CLYBL: variants seen among roughly 807,000 people sequenced by gnomAD.
CLYBL encodes the protein citramalyl-CoA lyase.
In CLYBL, 31 loss-of-function variants were observed where a neutral mutation model predicts 38.9. The observed-to-expected ratio is 0.80, with a 90% confidence interval of 0.60 to 1.08. The LOEUF (loss-of-function observed/expected upper bound fraction) is 1.08. CLYBL is among the 50% of genes least tolerant of loss of function. The pLI is 0.00. For synonymous variants in CLYBL, 171 were observed against 158.6 expected (o/e 1.08, Z -0.59); for missense variants, 434 against 411.6 (o/e 1.05, Z -0.47).
At chr13:99,702,843 A>C (rs1287296805) in intron 1 of CLYBL, among the ~76,000 whole-genome samples, 1 of 152,166 alleles carries the variant, frequency 6.6e-6, no homozygotes, top group Non-Finnish European at 1.5e-5. Context: ...TTCTGGATTT[A>C]TATCTAAGCA....
intron 2 of CLYBL, among the ~76,000 whole-genome samples, chr13:99,831,104 G>A (rs1045402016): frequency 1.3e-5 from 2 of 152,156 alleles, no homozygotes; most frequent in African/African-American, 2.4e-5. Flanking sequence ...GTTGGGTGGC[G>A]GCAGCTGCAG....
intron 1 of CLYBL, among the ~76,000 whole-genome samples, chr13:99,688,126 A>C (rs1327922570): frequency 2.6e-5 from 4 of 152,248 alleles, no homozygotes; most frequent in South Asian, 4.1e-4. Context: ...TTAAAGTAAA[A>C]TTTTTCCCAG....
chr13:99,872,912 G>C (rs1005315667), intron 7 of CLYBL, among the ~76,000 whole-genome samples: 11 of 151,586 alleles, frequency 7.3e-5, no homozygotes, highest in African/African-American at 2.7e-4. Flanking sequence ...CACACCTTTT[G>C]ATGATGGCAA....
At chr13:99,820,745 T>G (rs1337805658) in intron 2 of CLYBL, among the ~76,000 whole-genome samples, 1 of 152,162 alleles carries the variant, frequency 6.6e-6, no homozygotes, top group Non-Finnish European at 1.5e-5. Flanking sequence ...ACATTTAGGT[T>G]TCGTGTGAAC....
Position 99,744,256 on chromosome 13 carries a change from G to A in CLYBL, c.63-28568G>A, listed in dbSNP as rs533848473. Among the ~76,000 whole-genome samples the A allele has an allele frequency of 1.6e-4, 24 of 152,228 alleles. No individual in the cohort carries two copies. In the South Asian group the frequency reaches 3.7e-3, roughly 24 times the overall value. Reference sequence around the variant, plus strand: ...CAAAGTGCTGGGATTACAGGCGTGAGCCACCGCGCCCAGCTACACTCCACT... The same window carrying A: ...CAAAGTGCTGGGATTACAGGCGTGAACCACCGCGCCCAGCTACACTCCACT... On this transcript the variant is annotated intron_variant, in intron 1 of 8. Coordinates refer to ENST00000339105, the MANE Select transcript of CLYBL (RefSeq NM_206808.5).
downstream of CLYBL, chr13:99,895,037 C>T (rs2052557240): frequency 1.3e-5 from 2 of 152,146 alleles, no homozygotes; most frequent in Middle Eastern, 3.2e-3. Context: ...TTCACCGCCT[C>T]CGATTTGAAT....
At chr13:99,664,662 G>C (rs1487076386) in intron 1 of CLYBL, among the ~76,000 whole-genome samples, 1 of 152,182 alleles carries the variant, frequency 6.6e-6, no homozygotes, top group Non-Finnish European at 1.5e-5. Flanking sequence ...AACGTGCGAC[G>C]TAGTGCCAGC....
intron 1 of CLYBL, among the ~76,000 whole-genome samples, chr13:99,755,177 G>A (rs563412259): frequency 3.3e-5 from 5 of 152,202 alleles, no homozygotes; most frequent in South Asian, 4.2e-4. Context: ...GATTACAGGC[G>A]TGAGCCACCG....
intron 1 of CLYBL, among the ~76,000 whole-genome samples, chr13:99,664,107 A>G (rs973699224): frequency 2.6e-5 from 4 of 152,166 alleles, no homozygotes; most frequent in Non-Finnish European, 5.9e-5. Flanking sequence ...ATGGATTATA[A>G]CTCTTGACCG....
chr13:99,659,214 GTGTA>G lies in CLYBL; in HGVS notation c.62+52459_62+52462del, dbSNP rs752363503. On this transcript the variant is annotated intron_variant, in intron 1 of 8. Coordinates refer to ENST00000339105, the MANE Select transcript of CLYBL (RefSeq NM_206808.5). ...CATCCTCTAAGCTATGTGTGTGTGT[GTGTA>G]TATATATATATGTATATATATGCGT... Among the ~76,000 whole-genome samples the G allele has an allele frequency of 4.3e-3, 645 of 151,566 alleles. 4 individuals are homozygous for G. The highest frequency in any genetic ancestry group is 0.014 in the African/African-American group (581 of 41,008).
At chr13:99,838,736 C>T (rs1408061640) in intron 2 of CLYBL, among the ~76,000 whole-genome samples, 2 of 152,138 alleles carry the variant, frequency 1.3e-5, no homozygotes, top group Non-Finnish European at 2.9e-5. Flanking sequence ...CCCAGGTTCA[C>T]GCCATTCTCC....
chr13:99,736,038 C>CTTTTTTTTTTTTTTTTT (rs767129851), intron 1 of CLYBL, among the ~76,000 whole-genome samples: 2 of 76,198 alleles, frequency 2.6e-5, no homozygotes, highest in African/African-American at 5.2e-5. Context: ...CGTTTCTTTT[C>CTTTTTTTTTTTTTTTTT]TTTTTTTTTT....
chr13:99,855,411 C>G (rs1169155040), intron 2 of CLYBL, among the ~76,000 whole-genome samples: 1 of 152,148 alleles, frequency 6.6e-6, no homozygotes, highest in Non-Finnish European at 1.5e-5. Flanking sequence ...CTTCTGAGAG[C>G]TGGGGTCAGC....
chr13:99,608,432 G>A (rs1242522223), intron 1 of CLYBL, among the ~76,000 whole-genome samples: 1 of 152,118 alleles, frequency 6.6e-6, no homozygotes, highest in Non-Finnish European at 1.5e-5. Flanking sequence ...ATGTCCTATG[G>A]GAGGACCCAC....
At chr13:99,650,242 G>C (rs1372913665) in intron 1 of CLYBL, among the ~76,000 whole-genome samples, 1 of 151,268 alleles carries the variant, frequency 6.6e-6, no homozygotes, top group African/African-American at 2.4e-5. Context: ...CAGCCTGGGC[G>C]ACAGAGCCAG....
chr13:99,895,227 C>G (rs778264004), downstream of CLYBL: 1 of 151,860 alleles, frequency 6.6e-6, no homozygotes, highest in East Asian at 1.9e-4. Flanking sequence ...GATGATGCCA[C>G]GAGGAGAAAA....
chr13:99,681,649 C>T (rs952550771), intron 1 of CLYBL, among the ~76,000 whole-genome samples: 1 of 151,460 alleles, frequency 6.6e-6, no homozygotes, highest in Non-Finnish European at 1.5e-5. Flanking sequence ...TTCAGTGGCA[C>T]GGTCTCGGCT....
At chr13:99,864,972 T>A (rs762504808) in intron 5 of CLYBL, 61 bp downstream of exon 5, 1 of 1,226,332 alleles carries the variant, frequency 8.2e-7, no homozygotes. Flanking sequence ...TGTGTATATA[T>A]TTTTTCTTTG....
intron 1 of CLYBL, among the ~76,000 whole-genome samples, chr13:99,630,902 T>C (rs1434375289): frequency 6.6e-6 from 1 of 152,226 alleles, no homozygotes; most frequent in Non-Finnish European, 1.5e-5. Flanking sequence ...TTTACATGCC[T>C]ACTAAGGGAT....
Sources: gnomAD v4.1 joint callset for allele counts (sites outside exome capture counted in the v4.1 genomes callset) on GRCh38, gnomAD v4.1.1 for gene constraint, MANE v1.5 for transcripts, NCBI Gene and HGNC (gene_info 2026-07-23, HGNC 2026-07-21) for gene names.